Variants in HOXD13 observed in about 807,000 individuals in gnomAD.
The protein encoded by HOXD13 is homeobox protein Hox-D13.
A neutral mutation model predicts 27.3 loss-of-function variants in HOXD13; 16 were observed. The ratio of observed to expected loss-of-function variants is 0.59; its 90% CI spans 0.40 to 0.89. The LOEUF (loss-of-function observed/expected upper bound fraction) is 0.89. Among genes scored for constraint, HOXD13 ranks in the 40% least tolerant of loss-of-function variants. The pLI is 0.00. For missense variants in HOXD13, 481 were observed against 482.6 expected, an observed-to-expected ratio of 1.00 and a Z score of 0.03; for synonymous variants, 241 against 219.0, an observed-to-expected ratio of 1.10 and a Z score of -0.89.
At chr2:176,092,365 G>T (rs1020418307), upstream of HOXD13, among the ~76,000 whole-genome samples, 2 of 152,096 alleles carry the variant, frequency 1.3e-5, no homozygotes, top group Non-Finnish European at 2.9e-5. Flanking sequence ...AGCGGTTGCC[G>T]AGACAAGGCG....
In HOXD13 at chr2:176,093,020, C is replaced by A. The variant is rs1267962164; in HGVS notation, c.130C>A (p.Leu44Ile). Residue 44 changes from leucine to isoleucine, a missense_variant, in exon 1 of 2, where the codon CTC becomes ATC. Physicochemically the swap from Leu to Ile is conservative, Grantham distance 5. Transcript: ENST00000392539. Reference sequence around the variant, plus strand: ...GGCGTCAGGCCAGTGCCGCGGCTTTCTCTCCGCGCCTGTGTTCGCCGGGAC... The same window carrying A: ...GGCGTCAGGCCAGTGCCGCGGCTTTATCTCCGCGCCTGTGTTCGCCGGGAC... The part of the protein sequence containing the change: ...AAASGQCRGF[L>I]SAPVFAGTHS... The A allele has an allele frequency of 1.4e-6, 2 of 1,382,358 alleles. No individual in the cohort carries two copies. The highest frequency in any genetic ancestry group is 9.3e-7 in the Non-Finnish European group (1 of 1,075,282). The allele number at this position is 1,382,358 out of a possible 1,614,324, so 85.6% of individuals were successfully genotyped here.
In HOXD13 at chr2:176,093,424, A is replaced by C. The variant is rs1460034714; in HGVS notation, c.534A>C (p.Val178=). 5.0e-6 allele frequency: 8 copies of C among 1,613,978 alleles called. No individual in the cohort carries two copies. The highest frequency in any genetic ancestry group is 6.8e-6 in the Non-Finnish European group (8 of 1,180,020). Reference sequence around the variant, plus strand: ...TGTCAGGCCTGGCGAGCAGCAGCGTACCGGCCAACGAGGTGCCAGCGCGAG... The same window carrying C: ...TGTCAGGCCTGGCGAGCAGCAGCGTCCCGGCCAACGAGGTGCCAGCGCGAG... ...MDVSGLASSS[V]PANEVPARAK... Residue 178 remains valine (V), a synonymous_variant, in exon 1 of 2, where the codon GTA becomes GTC. Coordinates refer to ENST00000392539, the MANE Select transcript of HOXD13 (RefSeq NM_000523.4).
Position 176,093,095 on chromosome 2 carries a change from G to A in HOXD13, c.205G>A (p.Ala69Thr). ...GGCAGCGGCGGCTGCGGCGGCGGCG[G>A]CGGCAGCCTCCGGCTTTGCGTACCC... ...AAAAAAAAAA[A>T]AASGFAYPGT... is the part of the protein sequence containing the mutation. Residue 69 changes from alanine to threonine, a missense_variant, in exon 1 of 2, where the codon GCG becomes ACG. Transcript: ENST00000392539. 6.9e-7 allele frequency: 1 copy of A among 1,439,530 alleles called. No individual in the cohort carries two copies. The highest frequency in any genetic ancestry group is 9.0e-7 in the Non-Finnish European group (1 of 1,110,676). The allele number at this position is 1,439,530 out of a possible 1,614,324, so 89.2% of individuals were successfully genotyped here.
upstream of HOXD13, among the ~76,000 whole-genome samples, chr2:176,092,690 T>A (rs1193512767): frequency 6.6e-6 from 1 of 151,864 alleles, no homozygotes; most frequent in Non-Finnish European, 1.5e-5. Flanking sequence ...CTGAACTTCG[T>A]TTTTATAAAC....
At chr2:176,090,491 A>G (rs1363476064), upstream of HOXD13, among the ~76,000 whole-genome samples, 1 of 152,248 alleles carries the variant, frequency 6.6e-6, no homozygotes, top group Non-Finnish European at 1.5e-5. Context: ...GCTGCTTGAA[A>G]TCAACAAAAC....
Position 176,094,990 on chromosome 2 carries a change from G to C in HOXD13, c.*260G>C, listed in dbSNP as rs925258422. On this transcript the variant is annotated 3_prime_UTR_variant, in exon 2 of 2. Transcript: ENST00000392539. ...TTAAAATATCTGTTTTTAATGTTTT[G>C]TTTCTCCCTCCAGGCCAGTATAAAG... 8.2e-6 allele frequency: 4 copies of C among 489,394 alleles called. No homozygotes were observed. Among genetic ancestry groups the C allele is most frequent in the African/African-American group, 7.7e-5 (4 of 51,984 alleles). 30.3% of individuals were successfully genotyped at this position (489,394 alleles called of 1,614,324 possible).
At chr2:176,092,579 G>C (rs1689336638), upstream of HOXD13, among the ~76,000 whole-genome samples, 2 of 152,094 alleles carry the variant, frequency 1.3e-5, no homozygotes, top group African/African-American at 4.8e-5. Context: ...GCTCCCCCGC[G>C]TTCCTACCCC....
At position 176,095,922 on chromosome 2, in the gene HOXD13, CA is replaced by C. The variant is rs1689404747; in HGVS notation, c.*1193del. On this transcript the variant is annotated 3_prime_UTR_variant, in exon 2 of 2. Coordinates refer to ENST00000392539, the MANE Select transcript of HOXD13 (RefSeq NM_000523.4). ...TTACTCCTAGGGAGATGCCAATAAA[CA>C]GAACTCTTTTGTTTCTTCTGAGTCC... 1.1e-5 allele frequency: 2 copies of C among 190,386 alleles called. No homozygotes were observed. Among genetic ancestry groups the C allele is most frequent in the South Asian group, 3.9e-4 (2 of 5,152 alleles). The allele number at this position is 190,386 out of a possible 1,614,324, so 11.8% of individuals were successfully genotyped here. A position where few individuals can be genotyped will look rare whatever the true frequency, so the allele number is the denominator to read the frequency against.
In HOXD13 at chr2:176,092,996, G is replaced by T; in HGVS notation, c.106G>T (p.Ala36Ser). The change falls in exon 1 of 2, where the codon GCG (alanine) becomes TCG (serine). Residue 36 changes from alanine (A) to serine (S), a missense_variant. Transcript: ENST00000392539. ...SSSSSVAAAA[A>S]SGQCRGFLSA... ...CTCCTCATCGGTGGCGGCGGCGGCG[G>T]CGTCAGGCCAGTGCCGCGGCTTTCT... 2 of 1,354,204 alleles carry T rather than the reference G, an allele frequency of 1.5e-6. No individual in the cohort carries two copies. The highest frequency in any genetic ancestry group is 4.5e-4 in the Middle Eastern group (2 of 4,480). 83.9% of individuals were successfully genotyped at this position (1,354,204 alleles called of 1,614,324 possible). A position where few individuals can be genotyped will look rare whatever the true frequency, so the allele number is the denominator to read the frequency against.
At chr2:176,087,869 G>T (rs189407940), upstream of HOXD13, among the ~76,000 whole-genome samples, 68 of 152,378 alleles carry the variant, frequency 4.5e-4, no homozygotes, top group Middle Eastern at 3.4e-3. Flanking sequence ...TTTTGGTTAG[G>T]TTTCCAGACT....
chr2:176,089,681 G>A (rs1294435026), upstream of HOXD13, among the ~76,000 whole-genome samples: 12 of 152,198 alleles, frequency 7.9e-5, no homozygotes, highest in Admixed American at 6.5e-4. Flanking sequence ...TTCCAGAACA[G>A]CACTGATGCT....
chr2:176,091,315 G>A (rs1689315679), upstream of HOXD13, among the ~76,000 whole-genome samples: 1 of 152,150 alleles, frequency 6.6e-6, no homozygotes, highest in Non-Finnish European at 1.5e-5. Flanking sequence ...CTGGCTTGGG[G>A]AGTGCATGCC....
upstream of HOXD13, among the ~76,000 whole-genome samples, chr2:176,091,587 C>T (rs1482042077): frequency 4.6e-5 from 7 of 152,142 alleles, no homozygotes; most frequent in Admixed American, 4.6e-4. Context: ...CCAGCACTGC[C>T]CTGAGCCCAC....
chr2:176,092,419 G>A (rs1689332953), upstream of HOXD13, among the ~76,000 whole-genome samples: 1 of 151,602 alleles, frequency 6.6e-6, no homozygotes, highest in Non-Finnish European at 1.5e-5. Context: ...GCCTGGGATG[G>A]GCCGTCGCGC....
At chr2:176,093,701 C>T in intron 1 of HOXD13, 30 bp downstream of exon 1, 1 of 1,410,608 alleles carries the variant, frequency 7.1e-7, no homozygotes, top group Non-Finnish European at 9.8e-7. Flanking sequence ...GGGACCGACA[C>T]GAGGGAGGGG....
chr2:176,092,819 G>C lies in HOXD13; in HGVS notation c.-72G>C. 1.0e-6 allele frequency: 1 copy of C among 992,604 alleles called. No homozygotes were observed. The allele number at this position is 992,604 out of a possible 1,614,324, so 61.5% of individuals were successfully genotyped here. ...GCGAACCAGAGAGAAAGGAGAGGAG[G>C]GAGGAGGCGCGCCGCGCCATGGTGT... On this transcript the variant is annotated 5_prime_UTR_variant, in exon 1 of 2. Coordinates refer to ENST00000392539, the MANE Select transcript of HOXD13 (RefSeq NM_000523.4).
chr2:176,094,790 T>G lies in HOXD13; in HGVS notation c.*60T>G. The G allele has an allele frequency of 6.9e-7, 1 of 1,457,728 alleles. No homozygotes were observed. The highest frequency in any genetic ancestry group is 9.6e-7 in the Non-Finnish European group (1 of 1,038,554). The allele number at this position is 1,457,728 out of a possible 1,614,324, so 90.3% of individuals were successfully genotyped here. On this transcript the variant is annotated 3_prime_UTR_variant, in exon 2 of 2. Coordinates refer to ENST00000392539, the MANE Select transcript of HOXD13 (RefSeq NM_000523.4). Reference sequence around the variant, plus strand: ...CATTCGGTTGTCTCCAAAAGGCCTTTGGAAAGACTTGAATATGTATTTAAT... The same window carrying G: ...CATTCGGTTGTCTCCAAAAGGCCTTGGGAAAGACTTGAATATGTATTTAAT...
Position 176,093,551 on chromosome 2 carries a change from G to A in HOXD13, c.661G>A (p.Glu221Lys), listed in dbSNP as rs1689363983. The stretch of plus-strand genomic sequence containing the variant: ...TTTCGGCTCCGGGGAGCCTCGGCAC[G>A]AGGCCTACATCTCCATGGAGGGGTA... ...STFGSGEPRHEAYISMEGYQS... is the reference protein window; with the variant it reads ...STFGSGEPRHKAYISMEGYQS... The change falls in exon 1 of 2, where the codon GAG becomes AAG. Residue 221 changes from glutamate to lysine, a missense_variant. Physicochemically the swap from Glu to Lys is moderately conservative, Grantham distance 56. Transcript: ENST00000392539. 6.2e-7 allele frequency: 1 copy of A among 1,613,896 alleles called. No individual in the cohort carries two copies. The highest frequency in any genetic ancestry group is 8.5e-7 in the Non-Finnish European group (1 of 1,179,964).
At chr2:176,091,898 C>T (rs2105377370), upstream of HOXD13, among the ~76,000 whole-genome samples, 1 of 152,070 alleles carries the variant, frequency 6.6e-6, no homozygotes, top group Admixed American at 6.5e-5. Flanking sequence ...GGTCTTTCTG[C>T]GGGTCGAAGA....
Sources: gnomAD v4.1 joint callset for allele counts (sites outside exome capture counted in the v4.1 genomes callset) on GRCh38, gnomAD v4.1.1 for gene constraint, MANE v1.5 for transcripts, NCBI Gene and HGNC (gene_info 2026-07-23, HGNC 2026-07-21) for gene names.